SDK1: variants seen among roughly 807,000 people sequenced by gnomAD.
The protein encoded by SDK1 is protein sidekick-1.
Under a neutral mutation model 245.5 loss-of-function variants are expected in SDK1, and 157 were observed. The observed-to-expected ratio is 0.64, with a 90% CI of 0.56 to 0.73. The LOEUF (loss-of-function observed/expected upper bound fraction) is 0.73. Among genes scored for constraint, SDK1 ranks in the 30% least tolerant of loss-of-function variants. SDK1 has a pLI of 0.00. For synonymous variants in SDK1, 1,647 were observed against 1,278.5 expected (o/e 1.29, Z -6.15); for missense variants, 3,583 against 3,002.3 (o/e 1.19, Z -4.52).
At chr7:3,940,058 A>G (rs1159749155) in intron 5 of SDK1, among the ~76,000 whole-genome samples, 1 of 152,226 alleles carries the variant, frequency 6.6e-6, no homozygotes, top group African/African-American at 2.4e-5. Context: ...CAGGTGGAGG[A>G]TGGCCGGAGC....
intron 5 of SDK1, among the ~76,000 whole-genome samples, chr7:3,848,918 C>T (rs1484431388): frequency 1.3e-5 from 2 of 152,210 alleles, no homozygotes; most frequent in Non-Finnish European, 2.9e-5. Context: ...GATCCGCCCA[C>T]CTCGGCCTCC....
At chr7:3,410,912 T>C (rs1779183419) in intron 1 of SDK1, among the ~76,000 whole-genome samples, 1 of 152,052 alleles carries the variant, frequency 6.6e-6, no homozygotes, top group South Asian at 2.1e-4. Context: ...ACTCTGCTTG[T>C]CTCTCACCTG....
intron 11 of SDK1, among the ~76,000 whole-genome samples, chr7:3,969,928 C>A (rs1471829109): frequency 6.6e-6 from 1 of 152,286 alleles, no homozygotes; most frequent in South Asian, 2.1e-4. Context: ...TTCTAATATA[C>A]TAACTATCAA....
chr7:3,410,513 G>C (rs907944284), intron 1 of SDK1, among the ~76,000 whole-genome samples: 5 of 150,974 alleles, frequency 3.3e-5, no homozygotes, highest in African/African-American at 1.2e-4. Flanking sequence ...GGGAAGCTGT[G>C]ACTGGAGCAA....
At chr7:3,608,319 G>T (rs796601392) in intron 1 of SDK1, among the ~76,000 whole-genome samples, 10 of 152,318 alleles carry the variant, frequency 6.6e-5, no homozygotes, top group African/African-American at 2.4e-4. Flanking sequence ...TTGGGAGGTT[G>T]TCCGAGCTGG....
At chr7:3,955,428 C>A (rs963182796) in intron 7 of SDK1, among the ~76,000 whole-genome samples, 1 of 152,200 alleles carries the variant, frequency 6.6e-6, no homozygotes, top group Non-Finnish European at 1.5e-5. Flanking sequence ...CCAGCGAATC[C>A]AAGAGAGTCT....
chr7:4,142,251 A>G (rs1207072669), intron 28 of SDK1, among the ~76,000 whole-genome samples: 1 of 151,744 alleles, frequency 6.6e-6, no homozygotes, highest in African/African-American at 2.4e-5. Flanking sequence ...TCTAGGAACG[A>G]TATTCAGATG....
In SDK1 at chr7:4,253,028, C is replaced by T. The variant is rs576767056; in HGVS notation, c.6381+7223C>T. Among the ~76,000 whole-genome samples, 339 of 152,186 alleles carry T rather than the reference C, an allele frequency of 2.2e-3. 1 individual carries two copies. The highest frequency in any genetic ancestry group is 7.8e-3 in the African/African-American group (322 of 41,538). On this transcript the variant is annotated intron_variant, in intron 44 of 44. Coordinates refer to ENST00000404826, the MANE Select transcript of SDK1 (RefSeq NM_152744.4). ...CTGATTTTAATAATTTGAGTCCTCT[C>T]TCCTATTTCTGGTTAAAGTTTTGTC...
rs1001181165 is a variant in SDK1 at position 3,913,285 on chromosome 7, C to T, written c.848-37638C>T. Among the ~76,000 whole-genome samples, 7 of 150,986 alleles carry T rather than the reference C, an allele frequency of 4.6e-5. No homozygotes were observed. In the South Asian group the frequency reaches 1.3e-3, roughly 27 times the overall value. On this transcript the variant is annotated intron_variant, in intron 5 of 44. Transcript: ENST00000404826. Reference sequence around the variant, plus strand: ...CTCCCCTCCTCTGACCTTTCTCTTACACTTATCTTTTTTTTTTTTTTTTTT... The same window carrying T: ...CTCCCCTCCTCTGACCTTTCTCTTATACTTATCTTTTTTTTTTTTTTTTTT...
chr7:4,209,915 T>A (rs184636002), intron 37 of SDK1, 110 bp from the exon 38 acceptor site: 250 of 1,059,154 alleles, frequency 2.4e-4, no homozygotes, highest in Non-Finnish European at 2.9e-4. Context: ...TTTACTGAGT[T>A]GAAAATAACA....
chr7:3,799,211 G>C (rs1251469043), intron 4 of SDK1, among the ~76,000 whole-genome samples: 3 of 151,850 alleles, frequency 2.0e-5, no homozygotes, highest in Admixed American at 2.0e-4. Context: ...TTCGTTTTCA[G>C]GACATTCAGT....
intron 5 of SDK1, among the ~76,000 whole-genome samples, chr7:3,835,038 C>G (rs377195651): frequency 2.6e-5 from 4 of 152,146 alleles, no homozygotes; most frequent in Non-Finnish European, 4.4e-5. Flanking sequence ...TTCTGCCTCT[C>G]CTTTTTCTCC....
At chr7:3,766,287 G>T (rs1446660378) in intron 4 of SDK1, among the ~76,000 whole-genome samples, 1 of 152,152 alleles carries the variant, frequency 6.6e-6, no homozygotes, top group African/African-American at 2.4e-5. Flanking sequence ...CTAAATTCAT[G>T]CCTCAAGAAG....
chr7:3,807,826 C>T (rs1298555101), intron 4 of SDK1, among the ~76,000 whole-genome samples: 1 of 152,182 alleles, frequency 6.6e-6, no homozygotes, highest in Non-Finnish European at 1.5e-5. Context: ...CTCTGGTAGC[C>T]TCTGCTTCCT....
At chr7:3,719,902 G>A (rs185859134) in intron 4 of SDK1, among the ~76,000 whole-genome samples, 16 of 151,804 alleles carry the variant, frequency 1.1e-4, no homozygotes, top group Non-Finnish European at 1.8e-4. Context: ...GCTTGAACCC[G>A]GGAGGCGGAA....
At position 4,145,805 on chromosome 7, in the gene SDK1, A is replaced by C; in HGVS notation, c.4312A>C (p.Thr1438Pro). ...VEVGATVRQF[T>P]ATDLAPESAY... ...GGTCGGCGCCACAGTGAGGCAGTTC[A>C]CAGCCACCGACCTGGCCCCGGAGTC... The change falls in exon 29 of 45, where the codon ACA becomes CCA. Residue 1438 changes from threonine to proline, a missense_variant. Thr to Pro is a conservative substitution (Grantham distance 38, BLOSUM62 -1). Transcript: ENST00000404826. 2 of 1,613,874 alleles carry C rather than the reference A, an allele frequency of 1.2e-6. No homozygotes were observed. Among genetic ancestry groups the C allele is most frequent in the Non-Finnish European group, 1.7e-6 (2 of 1,179,938 alleles).
chr7:3,556,980 C>T (rs892669957), intron 1 of SDK1, among the ~76,000 whole-genome samples: 1 of 151,246 alleles, frequency 6.6e-6, no homozygotes, highest in African/African-American at 2.4e-5. Flanking sequence ...TGTAGACTCA[C>T]AAAAATTAAA....
chr7:4,142,123 T>A (rs1367442755), intron 28 of SDK1, among the ~76,000 whole-genome samples: 1 of 152,180 alleles, frequency 6.6e-6, no homozygotes, highest in African/African-American at 2.4e-5. Flanking sequence ...ATCAGTGAGA[T>A]GATCCCACCT....
chr7:3,367,998 C>T (rs1487819448), intron 1 of SDK1, among the ~76,000 whole-genome samples: 1 of 152,176 alleles, frequency 6.6e-6, no homozygotes, highest in Non-Finnish European at 1.5e-5. Context: ...TGCAGAAAGA[C>T]TGTGAAAAAG....
Sources: gnomAD v4.1 joint callset for allele counts (sites outside exome capture counted in the v4.1 genomes callset) on GRCh38, gnomAD v4.1.1 for gene constraint, MANE v1.5 for transcripts, NCBI Gene and HGNC (gene_info 2026-07-23, HGNC 2026-07-21) for gene names.